PMS1: variants seen among roughly 807,000 people sequenced by gnomAD.
PMS1 encodes PMS1 homolog 1, mismatch repair system component.
In PMS1, 79 loss-of-function variants were observed where a neutral mutation model predicts 93.1. The observed-to-expected ratio is 0.85, with a 90% confidence interval of 0.71 to 1.02. The LOEUF (loss-of-function observed/expected upper bound fraction) is 1.02. Ranked by LOEUF, PMS1 falls within the 50% of genes least tolerant of loss-of-function variation. PMS1 has a pLI of 0.00. For missense variants in PMS1, 1,064 were observed against 1,085.3 expected (o/e 0.98, Z 0.28); for synonymous variants, 335 against 363.4 (o/e 0.92, Z 0.89).
At chr2:189,835,067 A>G (rs964191579) in intron 5 of PMS1, among the ~76,000 whole-genome samples, 5 of 152,250 alleles carry the variant, frequency 3.3e-5, no homozygotes, top group Non-Finnish European at 5.9e-5. Flanking sequence ...CCAAAAATGT[A>G]TGAAAAGGTA....
intron 5 of PMS1, among the ~76,000 whole-genome samples, chr2:189,838,348 T>C (rs74462916): frequency 0.05 from 7,632 of 151,892 alleles, 296 homozygotes; most frequent in African/African-American, 0.1. Flanking sequence ...GAAAAAAAAA[T>C]GTGTTTATTT....
At chr2:189,788,443 T>A (rs1012103025) in intron 1 of PMS1, among the ~76,000 whole-genome samples, 3 of 152,210 alleles carry the variant, frequency 2.0e-5, no homozygotes, top group African/African-American at 7.2e-5. Context: ...TTAGATCCAT[T>A]TTATAGATTA....
chr2:189,874,218 A>G (rs1238253933), intron 12 of PMS1, among the ~76,000 whole-genome samples: 2 of 152,212 alleles, frequency 1.3e-5, no homozygotes, highest in Non-Finnish European at 2.9e-5. Context: ...GACTTTATAA[A>G]TGAGATATTT....
chr2:189,877,337 T>C lies in PMS1; in HGVS notation c.2700T>C (p.Ile900=). 6.2e-7 allele frequency: 1 copy of C among 1,613,038 alleles called. No homozygotes were observed. The highest frequency in any genetic ancestry group is 8.5e-7 in the Non-Finnish European group (1 of 1,178,994). Residue 900 remains isoleucine (I), a synonymous_variant, in exon 13 of 13, where the codon ATT becomes ATC. Coordinates refer to ENST00000441310, the MANE Select transcript of PMS1 (RefSeq NM_000534.5). ...TATCAAAAGAGGACATCCAAGACAT[T>C]ATCTACAGAATGAAGCACCAGTTTG... ...MYLSKEDIQD[I]IYRMKHQFGN...
At chr2:189,834,069 A>G (rs2053182384) in intron 5 of PMS1, among the ~76,000 whole-genome samples, 1 of 152,050 alleles carries the variant, frequency 6.6e-6, no homozygotes, top group Admixed American at 6.5e-5. Flanking sequence ...TACCTTACAG[A>G]GTAAGGTTTT....
In PMS1 at chr2:189,787,959, G is replaced by A. The variant is rs2048512129; in HGVS notation, c.-21+3366G>A. ...ACATCTTAAGACCAGAGGATGCAAT[G>A]GGATGGGGTAGATAAAGTGTGACAG... On this transcript the variant is annotated intron_variant, in intron 1 of 12. Coordinates refer to ENST00000441310, the MANE Select transcript of PMS1 (RefSeq NM_000534.5). 2.6e-5 allele frequency among the ~76,000 whole-genome samples: 4 copies of A among 152,210 alleles called. No individual in the cohort carries two copies. The South Asian group carries it at 8.3e-4, about 32-fold the overall frequency.
chr2:189,855,067 G>A lies in PMS1; in HGVS notation c.1795G>A (p.Glu599Lys). 2 of 1,613,318 alleles carry A rather than the reference G, an allele frequency of 1.2e-6. No individual in the cohort carries two copies. The highest frequency in any genetic ancestry group is 1.7e-6 in the Non-Finnish European group (2 of 1,179,426). The change falls in exon 9 of 13, where the codon GAG (glutamate) becomes AAG (lysine). Residue 599 changes from glutamate (E) to lysine (K), a missense_variant. Transcript: ENST00000441310. ...CATAGAAAATCCTAAGACTAGTTTA[G>A]AGGATGCAACACTACAAATTGAAGA... Reference protein sequence around the residue: ...FLIENPKTSLEDATLQIEELW... With the variant: ...FLIENPKTSLKDATLQIEELW...
At chr2:189,797,913 T>C (rs2049504715) in intron 3 of PMS1, among the ~76,000 whole-genome samples, 1 of 152,224 alleles carries the variant, frequency 6.6e-6, no homozygotes, top group Admixed American at 6.5e-5. Flanking sequence ...CCTTGACTTA[T>C]GAGGGGATTA....
chr2:189,821,467 A>G (rs1238837891), intron 5 of PMS1, among the ~76,000 whole-genome samples: 5 of 148,740 alleles, frequency 3.4e-5, no homozygotes, highest in Non-Finnish European at 6.0e-5. Flanking sequence ...AAAAAAAAAA[A>G]AAAAGAAAGA....
chr2:189,787,855 A>G (rs1448029460), intron 1 of PMS1, among the ~76,000 whole-genome samples: 1 of 152,176 alleles, frequency 6.6e-6, no homozygotes, highest in Non-Finnish European at 1.5e-5. Flanking sequence ...TTTGGTAGAG[A>G]CACAAATATT....
chr2:189,804,914 A>G (rs950378815), intron 3 of PMS1, among the ~76,000 whole-genome samples: 1 of 151,704 alleles, frequency 6.6e-6, no homozygotes, highest in African/African-American at 2.4e-5. Context: ...TTTTTCTGAC[A>G]ATGGCATATT....
chr2:189,853,947 ACAT>A lies in PMS1; in HGVS notation c.835_837del (p.His279del), dbSNP rs1474255522. The A allele has an allele frequency of 1.3e-6, 2 of 1,571,292 alleles. No individual in the cohort carries two copies. The highest frequency in any genetic ancestry group is 2.3e-5 in the South Asian group (2 of 86,154). ...ATTACATGTATTTCTAGTTAATCCG[ACAT>A]CATTACAATCTGAAATGCCTAAAGG... On this transcript the variant is annotated inframe_deletion, in exon 8 of 13. Coordinates refer to ENST00000441310, the MANE Select transcript of PMS1 (RefSeq NM_000534.5).
intron 3 of PMS1, among the ~76,000 whole-genome samples, chr2:189,803,558 G>A (rs1470396283): frequency 6.6e-6 from 1 of 152,160 alleles, no homozygotes; most frequent in African/African-American, 2.4e-5. Flanking sequence ...AGTGTGTACT[G>A]TTAGAGATGC....
chr2:189,871,659 C>T (rs2057159759), intron 11 of PMS1, among the ~76,000 whole-genome samples: 1 of 152,186 alleles, frequency 6.6e-6, no homozygotes, highest in Non-Finnish European at 1.5e-5. Context: ...CAAACTCTTC[C>T]AGCCTCTGCT....
At chr2:189,786,168 G>A (rs945816319) in intron 1 of PMS1, among the ~76,000 whole-genome samples, 4 of 152,068 alleles carry the variant, frequency 2.6e-5, no homozygotes, top group African/African-American at 9.7e-5. Flanking sequence ...GATCGCCCTA[G>A]AGCACATTTG....
chr2:189,813,261 G>A (rs2050996342), intron 4 of PMS1, among the ~76,000 whole-genome samples: 1 of 152,184 alleles, frequency 6.6e-6, no homozygotes, highest in Non-Finnish European at 1.5e-5. Flanking sequence ...GAGAAAGGAA[G>A]GTTAGGTGTA....
chr2:189,830,716 A>G (rs1046629164), intron 5 of PMS1, among the ~76,000 whole-genome samples: 1 of 152,222 alleles, frequency 6.6e-6, no homozygotes, highest in African/African-American at 2.4e-5. Flanking sequence ...CAACAGGATC[A>G]AGGGCTGAGA....
At chr2:189,803,344 A>G (rs2050059609) in intron 3 of PMS1, among the ~76,000 whole-genome samples, 3 of 152,198 alleles carry the variant, frequency 2.0e-5, no homozygotes, top group Admixed American at 6.5e-5. Flanking sequence ...TTTTGTAATG[A>G]TACTGCGATT....
intron 1 of PMS1, among the ~76,000 whole-genome samples, chr2:189,786,398 G>A (rs1267412934): frequency 6.6e-6 from 1 of 152,192 alleles, no homozygotes; most frequent in Non-Finnish European, 1.5e-5. Context: ...CCGAATGGAG[G>A]CAGTACAAAG....
Sources: allele counts gnomAD v4.1 joint callset (sites outside exome capture counted in the v4.1 genomes callset), GRCh38; gene constraint gnomAD v4.1.1; transcripts MANE v1.5; gene names NCBI Gene and HGNC (gene_info 2026-07-23, HGNC 2026-07-21).